Variants in ANO2 observed in about 807,000 individuals in gnomAD.
The protein encoded by ANO2 is anoctamin-2.
A neutral mutation model predicts 124.2 loss-of-function variants in ANO2; 101 were observed. The observed-to-expected ratio is 0.81, with a 90% confidence interval of 0.69 to 0.96. The LOEUF (loss-of-function observed/expected upper bound fraction) is 0.96. Among genes scored for constraint, ANO2 ranks in the 40% least tolerant of loss-of-function variants. ANO2 has a pLI of 0.00. For synonymous variants in ANO2, 486 were observed against 482.5 expected (o/e 1.01, Z -0.09); for missense variants, 1,293 against 1,274.5 (o/e 1.01, Z -0.22).
At chr12:5,828,089 T>TAAATGAATAAA (rs1454107608) in intron 6 of ANO2, among the ~76,000 whole-genome samples, 1 of 152,094 alleles carries the variant, frequency 6.6e-6, no homozygotes, top group Non-Finnish European at 1.5e-5. Context: ...AGGCTAGAAA[T>TAAATGAATAAA]GGACGGCAGT....
At chr12:5,743,465 G>GA (rs762824650) in intron 12 of ANO2, among the ~76,000 whole-genome samples, 3 of 121,904 alleles carry the variant, frequency 2.5e-5, no homozygotes, top group African/African-American at 5.8e-5. Context: ...CAGTTTGTGA[G>GA]AATAGGCGTG....
intron 3 of ANO2, among the ~76,000 whole-genome samples, chr12:5,918,415 T>C (rs1398875955): frequency 1.3e-5 from 2 of 151,674 alleles, no homozygotes; most frequent in Non-Finnish European, 2.9e-5. Flanking sequence ...CCCTTCCAGT[T>C]TGAGGAAAGC....
chr12:5,735,133 GC>G (rs1314489091), intron 13 of ANO2, among the ~76,000 whole-genome samples: 10 of 152,160 alleles, frequency 6.6e-5, no homozygotes, highest in Middle Eastern at 3.2e-3. Flanking sequence ...TGAGCTCCTG[GC>G]CAGAGCAGAA....
intron 16 of ANO2, among the ~76,000 whole-genome samples, chr12:5,629,903 G>A (rs1337847305): frequency 1.3e-5 from 2 of 152,208 alleles, no homozygotes; most frequent in East Asian, 1.9e-4. Flanking sequence ...CCAGATTCCA[G>A]CATGCCTTGC....
intron 1 of ANO2, among the ~76,000 whole-genome samples, chr12:5,924,989 G>A (rs913283644): frequency 5.3e-5 from 8 of 152,126 alleles, no homozygotes; most frequent in African/African-American, 1.9e-4. Flanking sequence ...CCTCCCTTGT[G>A]CCCAATCTCG....
rs200066701 is a variant in ANO2, at chr12:5,907,180, G to A, written c.534+13860C>T. Among the ~76,000 whole-genome samples the A allele has an allele frequency of 1.8e-4, 28 of 152,244 alleles. No individual in the cohort carries two copies. The East Asian group carries it at 2.7e-3, about 15-fold the overall frequency. On this transcript the variant is annotated intron_variant, in intron 3 of 24. Transcript: ENST00000682330. ...TATCCAGCTAGAAATGAATGATGTC[G>A]TTTTGTTTCGGTTGTGCCTATTTTT...
intron 1 of ANO2, among the ~76,000 whole-genome samples, chr12:5,939,543 C>A (rs1267556296): frequency 6.6e-6 from 1 of 152,190 alleles, no homozygotes; most frequent in African/African-American, 2.4e-5. Context: ...TTGGGAAAGG[C>A]TCTGTTGAGC....
chr12:5,730,227 A>AT lies in ANO2; in HGVS notation c.1545+2292dup, dbSNP rs1950582863. Among the ~76,000 whole-genome samples, 3 of 150,742 alleles carry AT rather than the reference A, an allele frequency of 2.0e-5. No individual in the cohort carries two copies. The South Asian group carries it at 6.3e-4, about 31-fold the overall frequency. On this transcript the variant is annotated intron_variant, in intron 14 of 24. Coordinates refer to ENST00000682330, the MANE Select transcript of ANO2 (RefSeq NM_001364791.2). ...TGAATTGTGCACTTTAAATGGGTGAATTTTAGTGTATAAAATTAAATCTCA... is the reference window on the plus strand; with the variant it reads ...TGAATTGTGCACTTTAAATGGGTGAATTTTTAGTGTATAAAATTAAATCTCA...
At chr12:5,846,248 T>C (rs1307334010) in intron 4 of ANO2, among the ~76,000 whole-genome samples, 2 of 152,170 alleles carry the variant, frequency 1.3e-5, no homozygotes, top group African/African-American at 2.4e-5. Context: ...CCACCATTCA[T>C]AACAACGTGA....
At chr12:5,742,416 G>A (rs1292015700) in intron 12 of ANO2, among the ~76,000 whole-genome samples, 3 of 147,998 alleles carry the variant, frequency 2.0e-5, no homozygotes, top group South Asian at 2.1e-4. Context: ...AAGCTCTGGC[G>A]CAATCTCACC....
Position 5,565,450 on chromosome 12 carries a change from T to C in ANO2, c.2727+108A>G, listed in dbSNP as rs1941689597. On this transcript the variant is annotated intron_variant, in intron 24 of 24. Transcript: ENST00000682330. The stretch of plus-strand genomic sequence containing the variant: ...GCCTGCCACACATGAAGCTTTCTTA[T>C]GTCACAGAGTACCACCGGAACCTGG... The C allele has an allele frequency of 1.1e-5, 11 of 971,460 alleles. No individual in the cohort carries two copies. The South Asian group carries it at 1.7e-4, about 15-fold the overall frequency. 60.2% of individuals were successfully genotyped at this position (971,460 alleles called of 1,614,324 possible). A position where few individuals can be genotyped will look rare whatever the true frequency, so the allele number is the denominator to read the frequency against.
intron 15 of ANO2, among the ~76,000 whole-genome samples, chr12:5,640,615 C>G (rs1441877662): frequency 4.6e-5 from 7 of 152,266 alleles, no homozygotes; most frequent in East Asian, 1.9e-4. Context: ...CCAACAGACA[C>G]ATGAAAAAAT....
At chr12:5,812,426 A>C (rs1953429789) in intron 7 of ANO2, among the ~76,000 whole-genome samples, 1 of 133,828 alleles carries the variant, frequency 7.5e-6, no homozygotes, top group African/African-American at 2.8e-5. Context: ...GCAGGCAGGC[A>C]AGCAAAAGAA....
At chr12:5,569,768 A>G (rs2136826520) in intron 23 of ANO2, among the ~76,000 whole-genome samples, 1 of 152,294 alleles carries the variant, frequency 6.6e-6, no homozygotes, top group Admixed American at 6.5e-5. Flanking sequence ...TTAAAGAAAG[A>G]CACTGTGAGA....
intron 14 of ANO2, among the ~76,000 whole-genome samples, chr12:5,722,504 C>CA (rs1950271675): frequency 1.3e-5 from 2 of 151,936 alleles, no homozygotes; most frequent in Non-Finnish European, 2.9e-5. Context: ...GAGACTCTCT[C>CA]AAAAAAATAA....
chr12:5,782,400 C>G (rs912728786), intron 10 of ANO2, among the ~76,000 whole-genome samples: 2 of 152,064 alleles, frequency 1.3e-5, no homozygotes, highest in Non-Finnish European at 2.9e-5. Context: ...ATTTCTACCC[C>G]TTAATTTTGA....
At chr12:5,696,699 TAAAG>T (rs1194887519) in intron 14 of ANO2, among the ~76,000 whole-genome samples, 2 of 152,006 alleles carry the variant, frequency 1.3e-5, no homozygotes, top group African/African-American at 4.8e-5. Context: ...ACATCACTAA[TAAAG>T]AGAGATGCAA....
chr12:5,692,132 C>T (rs1009877599), intron 14 of ANO2, among the ~76,000 whole-genome samples: 2 of 152,038 alleles, frequency 1.3e-5, no homozygotes, highest in African/African-American at 2.4e-5. Context: ...AGCAGGCAGG[C>T]GGATGATGCA....
intron 14 of ANO2, among the ~76,000 whole-genome samples, chr12:5,702,018 GA>G (rs889620239): frequency 2.6e-5 from 4 of 151,386 alleles, no homozygotes; most frequent in Non-Finnish European, 4.4e-5. Context: ...CCTAAAGACA[GA>G]AAAAAATAAA....
Sources: gnomAD v4.1 joint callset for allele counts (sites outside exome capture counted in the v4.1 genomes callset) on GRCh38, gnomAD v4.1.1 for gene constraint, MANE v1.5 for transcripts, NCBI Gene and HGNC (gene_info 2026-07-23, HGNC 2026-07-21) for gene names.